Variants in DSCAM observed in about 807,000 individuals in gnomAD.
DSCAM encodes the protein DS cell adhesion molecule.
A neutral mutation model predicts 217.7 loss-of-function variants in DSCAM; 47 were observed. The observed-to-expected ratio is 0.22, with a 90% CI of 0.17 to 0.28. The LOEUF is 0.28. DSCAM is among the 10% of genes least tolerant of loss of function. DSCAM has a pLI of 1.00. For missense variants in DSCAM, 2,080 were observed against 2,618.3 expected (o/e 0.79, Z 4.49); for synonymous variants, 1,056 against 1,015.3 (o/e 1.04, Z -0.76).
At chr21:40,111,568 T>C (rs2089899417) in intron 20 of DSCAM, among the ~76,000 whole-genome samples, 1 of 152,134 alleles carries the variant, frequency 6.6e-6, no homozygotes, top group Admixed American at 6.6e-5. Flanking sequence ...CATAACAATA[T>C]TAACTTTACA....
At chr21:40,495,923 A>G (rs1409712301) in intron 3 of DSCAM, among the ~76,000 whole-genome samples, 3 of 152,174 alleles carry the variant, frequency 2.0e-5, no homozygotes, top group African/African-American at 7.2e-5. Flanking sequence ...AAATAGTCTC[A>G]TTTTTTACAG....
At chr21:40,076,142 A>C (rs1252771414) in intron 26 of DSCAM, among the ~76,000 whole-genome samples, 1 of 152,168 alleles carries the variant, frequency 6.6e-6, no homozygotes, top group Non-Finnish European at 1.5e-5. Flanking sequence ...TAGTAAGCAG[A>C]GCAGGGATAA....
chr21:40,580,434 G>A (rs1012208281), intron 3 of DSCAM, among the ~76,000 whole-genome samples: 37 of 151,868 alleles, frequency 2.4e-4, no homozygotes, highest in African/African-American at 8.7e-4. Flanking sequence ...TTGGGAGGCT[G>A]AGGCAGGGGA....
rs540389418 is a variant in DSCAM, at chr21:40,453,977, C to T, written c.509-84732G>A. 2.0e-5 allele frequency among the ~76,000 whole-genome samples: 3 copies of T among 152,182 alleles called. No homozygotes were observed. The East Asian group carries it at 5.8e-4, about 29-fold the overall frequency. On this transcript the variant is annotated intron_variant, in intron 3 of 32. Transcript: ENST00000400454. ...AAACTATTCTACTCTCCAACAGGGCCCTAACATGGGAACAAGGTTCACGAG... is the reference window on the plus strand; with the variant it reads ...AAACTATTCTACTCTCCAACAGGGCTCTAACATGGGAACAAGGTTCACGAG...
chr21:40,061,585 A>AG (rs376563880), intron 28 of DSCAM, among the ~76,000 whole-genome samples: 1 of 92,044 alleles, frequency 1.1e-5, no homozygotes, highest in African/African-American at 3.9e-5. Context: ...AAAAAAAAAA[A>AG]GAAAAAGGAA....
intron 11 of DSCAM, among the ~76,000 whole-genome samples, chr21:40,199,000 C>A (rs942826237): frequency 6.6e-6 from 1 of 152,106 alleles, no homozygotes. Context: ...AGAAACAGCC[C>A]AGGTACCTTG....
intron 10 of DSCAM, among the ~76,000 whole-genome samples, chr21:40,278,382 T>C (rs1197833680): frequency 6.6e-6 from 1 of 152,184 alleles, no homozygotes; most frequent in Non-Finnish European, 1.5e-5. Flanking sequence ...TCTCTGCCAC[T>C]GAGTCATGAA....
chr21:40,652,829 G>A (rs80250785), intron 3 of DSCAM, among the ~76,000 whole-genome samples: 2,053 of 152,268 alleles, frequency 0.013, 47 homozygotes, highest in African/African-American at 0.044. Flanking sequence ...GGATTATGAC[G>A]AGTGTCTGTT....
intron 15 of DSCAM, among the ~76,000 whole-genome samples, chr21:40,174,395 C>T (rs2090697988): frequency 6.6e-6 from 1 of 152,192 alleles, no homozygotes; most frequent in Non-Finnish European, 1.5e-5. Flanking sequence ...ATCCCTTCCT[C>T]ACTAAGCTTT....
chr21:40,725,599 C>T (rs555220447), intron 1 of DSCAM, among the ~76,000 whole-genome samples: 22 of 152,328 alleles, frequency 1.4e-4, no homozygotes, highest in Non-Finnish European at 5.9e-5. Flanking sequence ...CCTTGTAAAC[C>T]GTGTGCTCAC....
rs8133488 is a variant in DSCAM, at chr21:40,016,433, A to T, written c.5687-3047T>A. Among the ~76,000 whole-genome samples, 46,657 of 152,090 alleles carry T rather than the reference A, an allele frequency of 0.31. 7,764 individuals are homozygous for T. The highest frequency in any genetic ancestry group is 0.48 in the Middle Eastern group (139 of 292). The stretch of plus-strand genomic sequence containing the variant: ...GTTTCAGACCTGCTGAGTTTGATGC[A>T]GCTGGGGACATTCAAGACAAGATAT... On this transcript the variant is annotated intron_variant, in intron 32 of 32. Coordinates refer to ENST00000400454, the MANE Select transcript of DSCAM (RefSeq NM_001389.5). The surrounding 1 kb of genome is among the most constrained non-coding windows in gnomAD (Gnocchi z 4.3).
intron 3 of DSCAM, among the ~76,000 whole-genome samples, chr21:40,509,796 A>G (rs1343653322): frequency 1.3e-5 from 2 of 152,218 alleles, no homozygotes; most frequent in African/African-American, 4.8e-5. Flanking sequence ...CTAGAACAGA[A>G]AGCAAACTTT....
chr21:40,551,626 A>G (rs1454472612), intron 3 of DSCAM, among the ~76,000 whole-genome samples: 7 of 152,212 alleles, frequency 4.6e-5, no homozygotes, highest in Non-Finnish European at 1.0e-4. Flanking sequence ...CACAAAAGAC[A>G]GCTTTGCAGA....
chr21:40,342,626 G>GTGTGTGTATATA (rs1491362590), intron 6 of DSCAM, among the ~76,000 whole-genome samples: 21 of 94,722 alleles, frequency 2.2e-4, no homozygotes, highest in African/African-American at 1.1e-3. Flanking sequence ...GTGTGTGTGT[G>GTGTGTGTATATA]TATATATATA....
intron 11 of DSCAM, among the ~76,000 whole-genome samples, chr21:40,224,859 A>G (rs1244800013): frequency 6.6e-6 from 1 of 152,230 alleles, no homozygotes; most frequent in Non-Finnish European, 1.5e-5. Flanking sequence ...TAAAAAGGAC[A>G]CTTCAAAAAA....
chr21:40,485,272 G>T (rs1221415557), intron 3 of DSCAM, among the ~76,000 whole-genome samples: 8 of 129,084 alleles, frequency 6.2e-5, no homozygotes, highest in Non-Finnish European at 9.3e-5. Flanking sequence ...ACGGAGCCTC[G>T]CTGTCGCCCA....
At chr21:40,015,782 T>A (rs755250436) in intron 32 of DSCAM, among the ~76,000 whole-genome samples, 34 of 152,138 alleles carry the variant, frequency 2.2e-4, no homozygotes, top group Non-Finnish European at 2.4e-4. Flanking sequence ...GGCTTTAATA[T>A]ATCCCATCAC....
intron 28 of DSCAM, among the ~76,000 whole-genome samples, chr21:40,056,293 G>A (rs2089021646): frequency 6.6e-6 from 1 of 152,172 alleles, no homozygotes; most frequent in African/African-American, 2.4e-5. Flanking sequence ...TTTACTAATG[G>A]ATTTGTATTT....
chr21:40,179,087 C>T lies in DSCAM; in HGVS notation c.2787G>A (p.Trp929Ter). The T allele has an allele frequency of 6.2e-7, 1 of 1,611,596 alleles. No homozygotes were observed. The highest frequency in any genetic ancestry group is 2.2e-5 in the East Asian group (1 of 44,740). The part of the protein sequence containing the change: ...DIECKNKSDS[W>*]DSAQRTKDVS... ...CATCTTTGGTTCTCTGAGCAGAATC[C>T]CAGGAGTCTTTTGGGTTTTGTTTTT... is the stretch of plus-strand genomic sequence containing the variant. The change falls in exon 15 of 33, where the codon TGG becomes TGA. Residue 929 changes from tryptophan (W) to a stop codon, truncating the protein, a stop_gained. Coordinates refer to ENST00000400454, the MANE Select transcript of DSCAM (RefSeq NM_001389.5). LOFTEE classifies it high-confidence loss of function.
Sources: allele counts gnomAD v4.1 joint callset (sites outside exome capture counted in the v4.1 genomes callset), GRCh38; gene constraint gnomAD v4.1.1; non-coding constraint Gnocchi (gnomAD v3.1); transcripts MANE v1.5; gene names NCBI Gene and HGNC (gene_info 2026-07-23, HGNC 2026-07-21).